The following NLGN4X variants were observed in gnomAD, a reference collection of about 807,000 sequenced individuals.
NLGN4X encodes neuroligin 4 X-linked, also known as neuroligin-4, X-linked.
Under a neutral mutation model 40.3 loss-of-function variants are expected in NLGN4X, and 3 were observed. The observed-to-expected ratio is 0.07, with a 90% CI of 0.03 to 0.19. The LOEUF (loss-of-function observed/expected upper bound fraction) is 0.19, where lower values mean the gene tolerates loss of function less well. Ranked by LOEUF, NLGN4X falls within the 10% of genes least tolerant of loss-of-function variation. The pLI, the probability that NLGN4X is intolerant of heterozygous loss-of-function variation, is 1.00. For synonymous variants in NLGN4X, 270 were observed against 306.8 expected (o/e 0.88, Z 1.25); for missense variants, 382 against 708.3 (o/e 0.54, Z 5.23).
chrX:6,008,137 T>C (rs763683381), intron 3 of NLGN4X, among the ~76,000 whole-genome samples: 1 of 112,159 alleles, frequency 8.9e-6, no homozygotes, highest in Non-Finnish European at 1.9e-5. Context: ...TTTTAAAGTG[T>C]ACTGTTCTGT....
chrX:5,985,646 CA>C (rs2035512050), intron 3 of NLGN4X, among the ~76,000 whole-genome samples: 1 of 110,987 alleles, frequency 9.0e-6, no homozygotes, highest in Non-Finnish European at 1.9e-5. Context: ...ATTAGTAGCA[CA>C]ATTTAGGATA....
chrX:6,088,801 G>A (rs971241245), intron 2 of NLGN4X, among the ~76,000 whole-genome samples: 3 of 111,893 alleles, frequency 2.7e-5, no homozygotes, highest in African/African-American at 9.7e-5. Context: ...ATGATGCCGA[G>A]TTCATATGAA....
At chrX:5,962,007 C>T (rs2034677681) in intron 3 of NLGN4X, among the ~76,000 whole-genome samples, 1 of 111,814 alleles carries the variant, frequency 8.9e-6, no homozygotes, top group Non-Finnish European at 1.9e-5. Context: ...GCATCTTATA[C>T]CTGCTTTTTC....
intron 3 of NLGN4X, among the ~76,000 whole-genome samples, chrX:6,024,616 C>A (rs2036639457): frequency 9.0e-6 from 1 of 111,038 alleles, no homozygotes; most frequent in South Asian, 3.9e-4. Flanking sequence ...ACCAAGATGG[C>A]AACTAGAGTG....
At chrX:6,224,883 C>A (rs1926016875) in intron 1 of NLGN4X, among the ~76,000 whole-genome samples, 1 of 102,780 alleles carries the variant, frequency 9.7e-6, no homozygotes, top group Admixed American at 1.1e-4. Context: ...CCATTTTAAT[C>A]TACTGACTTA....
chrX:5,939,706 A>G (rs2033857941), intron 3 of NLGN4X, among the ~76,000 whole-genome samples: 1 of 111,712 alleles, frequency 9.0e-6, no homozygotes, highest in African/African-American at 3.3e-5. Context: ...AAGAAAAGAG[A>G]TAAGGGTCCC....
intron 2 of NLGN4X, among the ~76,000 whole-genome samples, chrX:6,080,439 G>A (rs1231842561): frequency 3.6e-5 from 4 of 111,743 alleles, no homozygotes; most frequent in Non-Finnish European, 3.8e-5. Flanking sequence ...ACTCATAAAG[G>A]TGACATAGAG....
At chrX:5,914,999 G>A (rs2032718087) in intron 3 of NLGN4X, among the ~76,000 whole-genome samples, 2 of 112,777 alleles carry the variant, frequency 1.8e-5, no homozygotes, top group Non-Finnish European at 3.7e-5. Flanking sequence ...GGGCTGGAAG[G>A]GAGGGAAGCT....
At position 5,903,325 on chromosome X, in the gene NLGN4X, G is replaced by A. The variant is rs2031990351; in HGVS notation, c.1353C>T (p.Ala451=). ...VALFTDHQWV[A]PAVATADLHA... is the part of the protein sequence containing the mutation. ...GCAGGTCGGCGGTGGCCACGGCGGG[G>A]GCCACCCACTGGTGGTCAGTAAAGA... The change falls in exon 5 of 6, where the codon GCC becomes GCT. Residue 451 remains alanine, a synonymous_variant. Transcript: ENST00000381095. 2 of 1,211,707 alleles carry A rather than the reference G, an allele frequency of 1.7e-6. No individual in the cohort carries two copies. Among genetic ancestry groups the A allele is most frequent in the Admixed American group, 2.2e-5 (1 of 46,095 alleles).
At chrX:6,069,893 G>T (rs976551067) in intron 2 of NLGN4X, among the ~76,000 whole-genome samples, 2 of 111,559 alleles carry the variant, frequency 1.8e-5, no homozygotes, top group African/African-American at 3.3e-5. Flanking sequence ...AATATGATTA[G>T]CCATTTTCAT....
At chrX:5,950,599 C>A (rs1269542965) in intron 3 of NLGN4X, among the ~76,000 whole-genome samples, 1 of 111,830 alleles carries the variant, frequency 8.9e-6, no homozygotes, top group Non-Finnish European at 1.9e-5. Context: ...TAATAGTGGG[C>A]AGTTTCCAGA....
intron 2 of NLGN4X, among the ~76,000 whole-genome samples, chrX:6,087,869 T>C (rs1250848447): frequency 8.9e-6 from 1 of 112,711 alleles, no homozygotes; most frequent in East Asian, 2.8e-4. Flanking sequence ...GACATTGTTA[T>C]TGATGAGTTC....
chrX:6,201,900 T>C (rs1923649896), intron 1 of NLGN4X, among the ~76,000 whole-genome samples: 1 of 110,725 alleles, frequency 9.0e-6, no homozygotes, highest in Non-Finnish European at 1.9e-5. Context: ...GAAATAATCA[T>C]CAAACCATGA....
At chrX:5,962,464 TTAAC>T (rs1181828000) in intron 3 of NLGN4X, among the ~76,000 whole-genome samples, 1 of 112,406 alleles carries the variant, frequency 8.9e-6, no homozygotes, top group Non-Finnish European at 1.9e-5. Context: ...CATGGAAGAA[TTAAC>T]TATCACTATG....
chrX:6,133,288 ATTGTG>A (rs2039726357), intron 2 of NLGN4X, among the ~76,000 whole-genome samples: 1 of 110,944 alleles, frequency 9.0e-6, no homozygotes, highest in African/African-American at 3.3e-5. Context: ...ATTTTGATTG[ATTGTG>A]TTCTTTGGCC....
At chrX:6,033,360 T>G (rs2036921417) in intron 2 of NLGN4X, among the ~76,000 whole-genome samples, 1 of 112,113 alleles carries the variant, frequency 8.9e-6, no homozygotes, top group Non-Finnish European at 1.9e-5. Flanking sequence ...ATCACTAAGA[T>G]TTACCTCTAC....
Position 6,018,745 on chromosome X carries a change from T to C in NLGN4X, c.625+10535A>G, listed in dbSNP as rs73184615. 4.3e-3 allele frequency among the ~76,000 whole-genome samples: 481 copies of C among 112,025 alleles called. 2 individuals are homozygous for C. Among genetic ancestry groups the C allele is most frequent in the Middle Eastern group, 0.023 (5 of 215 alleles). ...ATAACTGGACACAGCCTTCTCTCTA[T>C]AACATCTGAGCCTCTAATAAATGCC... On this transcript the variant is annotated intron_variant, in intron 3 of 5. Transcript: ENST00000381095.
chrX:5,962,611 T>C (rs1387389999), intron 3 of NLGN4X, among the ~76,000 whole-genome samples: 1 of 112,375 alleles, frequency 8.9e-6, no homozygotes, highest in Admixed American at 9.4e-5. Context: ...TATCTCCTTT[T>C]ATGGGCTGAA....
At chrX:6,194,621 A>G (rs1202012241) in intron 1 of NLGN4X, among the ~76,000 whole-genome samples, 2 of 112,302 alleles carry the variant, frequency 1.8e-5, no homozygotes, top group African/African-American at 6.5e-5. Context: ...TTATTAAATT[A>G]CAGGAAGACA....
Sources: gnomAD v4.1 joint callset for allele counts (sites outside exome capture counted in the v4.1 genomes callset) on GRCh38, gnomAD v4.1.1 for gene constraint, MANE v1.5 for transcripts, NCBI Gene and HGNC (gene_info 2026-07-23, HGNC 2026-07-21) for gene names.